DLG5: variants seen among roughly 807,000 people sequenced by gnomAD.
DLG5 encodes disks large homolog 5.
DLG5 carries 48 observed loss-of-function variants against 189.8 expected under a neutral mutation model. The ratio of observed to expected loss-of-function variants is 0.25; its 90% confidence interval spans 0.20 to 0.32. DLG5 has a LOEUF of 0.32. Among genes scored for constraint, DLG5 ranks in the 10% least tolerant of loss-of-function variants. DLG5 has a pLI of 1.00. For missense variants in DLG5, 2,160 were observed against 2,544.7 expected, an observed-to-expected ratio of 0.85 and a Z score of 3.25; for synonymous variants, 1,016 against 1,054.1, an observed-to-expected ratio of 0.96 and a Z score of 0.70.
chr10:77,817,036 T>C lies in DLG5; in HGVS notation c.3845A>G (p.Tyr1282Cys). Reference sequence around the variant, plus strand: ...CTCGGAGCCCACGACACTCCGCGGATATCTTGGTGTTGATGGGATTTTAAT... The same window carrying C: ...CTCGGAGCCCACGACACTCCGCGGACATCTTGGTGTTGATGGGATTTTAAT... ...ERIKIPSTPR[Y>C]PRSVVGSERG... Residue 1282 changes from tyrosine to cysteine, a missense_variant, in exon 19 of 32, where the codon TAT becomes TGT. Transcript: ENST00000372391. The C allele has an allele frequency of 1.2e-6, 2 of 1,614,194 alleles. No homozygotes were observed. Among genetic ancestry groups the C allele is most frequent in the Non-Finnish European group, 8.5e-7 (1 of 1,180,040 alleles).
rs1405143355 is a variant in DLG5 at position 77,791,253 on chromosome 10, G to A, written c.*1187C>T. ...CCTACCCCAACGACACTTACACAGA[G>A]CCCAGTACAGTACCTATTATTAACA... On this transcript the variant is annotated 3_prime_UTR_variant, in exon 32 of 32. Coordinates refer to ENST00000372391, the MANE Select transcript of DLG5 (RefSeq NM_004747.4). 3 of 152,002 alleles carry A rather than the reference G, an allele frequency of 2.0e-5. No individual in the cohort carries two copies. In the Admixed American group the frequency reaches 2.0e-4, roughly 10 times the overall value. 9.4% of individuals were successfully genotyped at this position (152,002 alleles called of 1,614,324 possible). A position where few individuals can be genotyped will look rare whatever the true frequency, so the allele number is the denominator to read the frequency against.
chr10:77,891,573 GACACAC>G (rs55688664), intron 1 of DLG5, among the ~76,000 whole-genome samples: 37,242 of 140,398 alleles, frequency 0.27, 4,954 homozygotes, highest in Admixed American at 0.37. Context: ...TCCCCCAACA[GACACAC>G]ACACACACAC....
chr10:77,856,929 T>G (rs1844264485), intron 2 of DLG5, 37 bp from the exon 3 acceptor site: 4 of 1,590,418 alleles, frequency 2.5e-6, no homozygotes, highest in Non-Finnish European at 3.4e-6. Context: ...CTTGTGTTCA[T>G]CTGGCATTCA....
intron 7 of DLG5, among the ~76,000 whole-genome samples, chr10:77,838,609 G>A (rs1330507334): frequency 6.6e-6 from 1 of 152,216 alleles, no homozygotes; most frequent in African/African-American, 2.4e-5. Flanking sequence ...GAGAAGGAAA[G>A]GGGAAAATGG....
chr10:77,797,731 C>A (rs1311575657), intron 27 of DLG5, among the ~76,000 whole-genome samples: 1 of 152,184 alleles, frequency 6.6e-6, no homozygotes, highest in African/African-American at 2.4e-5. Context: ...CAAGGAGTGA[C>A]TGCAGAGCAG....
chr10:77,923,866 T>C (rs1300209936), intron 1 of DLG5, among the ~76,000 whole-genome samples: 2 of 131,208 alleles, frequency 1.5e-5, no homozygotes, highest in Non-Finnish European at 3.2e-5. Flanking sequence ...TCCTAACTTT[T>C]TTCTTTCTTT....
intron 1 of DLG5, among the ~76,000 whole-genome samples, chr10:77,911,692 G>A (rs1564592774): frequency 6.6e-6 from 1 of 152,040 alleles, no homozygotes; most frequent in Non-Finnish European, 1.5e-5. Context: ...AATCCTGTTG[G>A]CAGGGAAAAC....
At chr10:77,836,460 G>T (rs1011650046) in intron 7 of DLG5, among the ~76,000 whole-genome samples, 1 of 152,272 alleles carries the variant, frequency 6.6e-6, no homozygotes, top group African/African-American at 2.4e-5. Flanking sequence ...GACAGCAGAG[G>T]CGCTGATGAC....
In DLG5 at chr10:77,819,384, C is replaced by A; in HGVS notation, c.3608G>T (p.Arg1203Met). 6.2e-7 allele frequency: 1 copy of A among 1,614,082 alleles called. No individual in the cohort carries two copies. ...RNPIYTVRSH[R>M]VGPCSSPPAA... ...AGGTGGAGAGCTGCAGGGGCCGACC[C>A]TGTGACTGCGCACAGTGTAGATGGG... The change falls in exon 17 of 32, where the codon AGG becomes ATG. Residue 1203 changes from arginine (R) to methionine (M), a missense_variant. Around this residue, in one of 5 missense-constraint regions of DLG5, gnomAD observed 754 missense variants for 746.5 expected, o/e 1.01. Coordinates refer to ENST00000372391, the MANE Select transcript of DLG5 (RefSeq NM_004747.4).
chr10:77,833,544 CGAGTGAGTGAGTGAGT>C (rs66534828), intron 9 of DLG5, among the ~76,000 whole-genome samples: 1 of 150,790 alleles, frequency 6.6e-6, no homozygotes, highest in Non-Finnish European at 1.5e-5. Context: ...AAAATCTCTG[CGAGTGAGTGAGTGAGT>C]GAGTGAGTGA....
At chr10:77,926,930 C>G, upstream of DLG5, 2 of 363,744 alleles carry the variant, frequency 5.5e-6, no homozygotes, top group Non-Finnish European at 1.1e-5. This position sits in a 1 kb window ranked among gnomAD's most constrained non-coding sequence, Gnocchi z 5.2. Context: ...CGCGCGCCGC[C>G]CCCAGAGCAA....
At chr10:77,842,850 G>C (rs968722696) in intron 6 of DLG5, among the ~76,000 whole-genome samples, 7 of 152,226 alleles carry the variant, frequency 4.6e-5, no homozygotes, top group Non-Finnish European at 8.8e-5. Context: ...TGAAGGCTCT[G>C]AGAAGTCCTG....
At chr10:77,884,175 G>T (rs1250382983) in intron 1 of DLG5, among the ~76,000 whole-genome samples, 3 of 152,194 alleles carry the variant, frequency 2.0e-5, no homozygotes, top group African/African-American at 7.2e-5. Flanking sequence ...GGAGCCTGGA[G>T]GGGTTGGTCT....
chr10:77,939,935 A>T, the DLG5 span, among the ~76,000 whole-genome samples: 1 of 152,240 alleles, frequency 6.6e-6, no homozygotes, highest in Non-Finnish European at 1.5e-5. Context: ...GACTATATTT[A>T]AAAATAGAAC....
At chr10:77,813,595 G>A (rs1841890093) in intron 20 of DLG5, among the ~76,000 whole-genome samples, 1 of 152,094 alleles carries the variant, frequency 6.6e-6, no homozygotes, top group African/African-American at 2.4e-5. Context: ...GTGCTGTTGA[G>A]AGCTGCAGAG....
intron 1 of DLG5, among the ~76,000 whole-genome samples, chr10:77,906,784 C>T (rs1208383281): frequency 1.3e-5 from 2 of 151,876 alleles, no homozygotes; most frequent in African/African-American, 4.8e-5. Context: ...ACCACCATGC[C>T]CAGCTAATTT....
At chr10:77,916,763 T>C (rs1846369206) in intron 1 of DLG5, among the ~76,000 whole-genome samples, 1 of 151,802 alleles carries the variant, frequency 6.6e-6, no homozygotes, top group Non-Finnish European at 1.5e-5. Flanking sequence ...CTTCTGGGTA[T>C]AAACCCAAAA....
At chr10:77,854,102 A>G in intron 4 of DLG5, 125 bp downstream of exon 4, 2 of 1,259,748 alleles carry the variant, frequency 1.6e-6, no homozygotes, top group Middle Eastern at 2.8e-4. Flanking sequence ...CTGTAGGCAG[A>G]CTGCTTGCTC....
intron 1 of DLG5, among the ~76,000 whole-genome samples, chr10:77,890,423 G>C (rs995074673): frequency 4.6e-5 from 7 of 152,064 alleles, no homozygotes; most frequent in Non-Finnish European, 8.8e-5. Flanking sequence ...GGGTCTCTAG[G>C]GTCCCAGGTT....
Sources: allele counts gnomAD v4.1 joint callset (sites outside exome capture counted in the v4.1 genomes callset), GRCh38; gene constraint gnomAD v4.1.1; regional missense constraint gnomAD v4.1.1; non-coding constraint Gnocchi (gnomAD v3.1); transcripts MANE v1.5; gene names NCBI Gene and HGNC (gene_info 2026-07-23, HGNC 2026-07-21).